Variants in PTPRD observed in about 807,000 individuals in gnomAD.
PTPRD encodes the protein receptor-type tyrosine-protein phosphatase delta.
Under a neutral mutation model 214.5 loss-of-function variants are expected in PTPRD, and 34 were observed. That is an observed-to-expected ratio of 0.16 (90% confidence interval 0.12 to 0.21). The LOEUF is 0.21. Among genes scored for constraint, PTPRD ranks in the 10% least tolerant of loss-of-function variants. The pLI is 1.00. For synonymous variants in PTPRD, 1,128 were observed against 845.7 expected (o/e 1.33, Z -5.79); for missense variants, 2,545 against 2,398.7 (o/e 1.06, Z -1.27).
At chr9:10,005,639 A>G (rs557002475) in intron 4 of PTPRD, among the ~76,000 whole-genome samples, 57 of 152,242 alleles carry the variant, frequency 3.7e-4, no homozygotes, top group Non-Finnish European at 5.9e-4. Context: ...ATGTGCCTTC[A>G]TTAATCAAAT....
intron 7 of PTPRD, among the ~76,000 whole-genome samples, chr9:9,613,131 C>T (rs374067768): frequency 0.056 from 2,283 of 40,752 alleles, 218 homozygotes; most frequent in African/African-American, 0.17. Context: ...AGTATACATA[C>T]ATACATATAT....
chr9:8,587,356 G>A (rs989757083), intron 14 of PTPRD, among the ~76,000 whole-genome samples: 1 of 152,068 alleles, frequency 6.6e-6, no homozygotes, highest in East Asian at 1.9e-4. Context: ...GTTCACCTCT[G>A]TAACAGTACA....
chr9:9,637,193 A>T (rs765753031), intron 7 of PTPRD, among the ~76,000 whole-genome samples: 3 of 152,048 alleles, frequency 2.0e-5, no homozygotes, highest in African/African-American at 4.8e-5. Flanking sequence ...AATTTATGTC[A>T]TTTTCACACA....
intron 12 of PTPRD, among the ~76,000 whole-genome samples, chr9:8,727,009 G>T (rs941493597): frequency 6.6e-6 from 1 of 151,608 alleles, no homozygotes; most frequent in African/African-American, 2.4e-5. Context: ...AGTAGATCAG[G>T]TACATAGAAA....
chr9:9,789,666 G>T (rs1456336767), intron 5 of PTPRD, among the ~76,000 whole-genome samples: 1 of 151,504 alleles, frequency 6.6e-6, no homozygotes, highest in Non-Finnish European at 1.5e-5. Flanking sequence ...GCGTGGTGGT[G>T]GGCGCCTGTA....
intron 2 of PTPRD, among the ~76,000 whole-genome samples, chr9:10,535,017 C>T (rs1428277383): frequency 2.0e-5 from 3 of 152,160 alleles, no homozygotes; most frequent in Non-Finnish European, 4.4e-5. Flanking sequence ...GATGTATGAG[C>T]TTTGCTGCTA....
At chr9:10,314,817 A>C (rs931298845) in intron 3 of PTPRD, among the ~76,000 whole-genome samples, 2 of 151,970 alleles carry the variant, frequency 1.3e-5, no homozygotes, top group Admixed American at 6.6e-5. Flanking sequence ...ATTAGAAGTT[A>C]TGTCTTCAAA....
chr9:10,500,363 G>A (rs557590234), intron 2 of PTPRD, among the ~76,000 whole-genome samples: 1 of 151,780 alleles, frequency 6.6e-6, no homozygotes, highest in Non-Finnish European at 1.5e-5. Flanking sequence ...AATGCATACA[G>A]ATTTGAAGTT....
At chr9:10,491,642 G>A (rs1326799645) in intron 2 of PTPRD, among the ~76,000 whole-genome samples, 3 of 151,424 alleles carry the variant, frequency 2.0e-5, no homozygotes, top group Non-Finnish European at 4.4e-5. Flanking sequence ...CCCATTAAAA[G>A]ACCTGGAGGC....
In PTPRD at chr9:9,832,930, C is replaced by G. The variant is rs148306613; in HGVS notation, c.-367-66079G>C. Among the ~76,000 whole-genome samples the G allele has an allele frequency of 2.7e-4, 41 of 151,124 alleles. No homozygotes were observed. In the East Asian group the frequency reaches 4.1e-3, roughly 15 times the overall value. On this transcript the variant is annotated intron_variant, in intron 5 of 45. Coordinates refer to ENST00000381196, the MANE Select transcript of PTPRD (RefSeq NM_002839.4). ...CCCATATGAGAGAGGAAAAAAAGTC[C>G]TTATTGTTTTAGAAATTTTAAGTAA...
At chr9:9,429,262 A>G (rs2082152032) in intron 8 of PTPRD, among the ~76,000 whole-genome samples, 1 of 152,246 alleles carries the variant, frequency 6.6e-6, no homozygotes, top group Admixed American at 6.5e-5. Flanking sequence ...ATCAGAGAAT[A>G]GTATAAACAC....
At chr9:10,575,656 T>C (rs2069031017) in intron 2 of PTPRD, among the ~76,000 whole-genome samples, 2 of 152,100 alleles carry the variant, frequency 1.3e-5, no homozygotes, top group Non-Finnish European at 2.9e-5. Flanking sequence ...AAGTGGTCAT[T>C]TATGGTGATT....
chr9:10,518,143 C>T (rs1228343849), intron 2 of PTPRD, among the ~76,000 whole-genome samples: 1 of 152,068 alleles, frequency 6.6e-6, no homozygotes, highest in East Asian at 1.9e-4. Flanking sequence ...TTATTGAATA[C>T]CTGTGTACTG....
At chr9:8,943,065 G>C (rs1373807343) in intron 11 of PTPRD, among the ~76,000 whole-genome samples, 1 of 151,808 alleles carries the variant, frequency 6.6e-6, no homozygotes, top group African/African-American at 2.4e-5. Flanking sequence ...AAATATGTAG[G>C]AATTAACCAA....
intron 11 of PTPRD, among the ~76,000 whole-genome samples, chr9:8,887,553 G>A (rs1377089682): frequency 6.6e-6 from 1 of 152,094 alleles, no homozygotes; most frequent in Non-Finnish European, 1.5e-5. Flanking sequence ...AAACATCAAT[G>A]TGTCATAAAA....
intron 5 of PTPRD, among the ~76,000 whole-genome samples, chr9:9,861,068 T>A (rs1419348033): frequency 6.6e-6 from 1 of 152,174 alleles, no homozygotes; most frequent in Non-Finnish European, 1.5e-5. Context: ...CATTATTTCT[T>A]TCAACAGTAA....
intron 37 of PTPRD, among the ~76,000 whole-genome samples, chr9:8,388,283 C>T (rs915394941): frequency 9.2e-5 from 14 of 152,182 alleles, no homozygotes; most frequent in African/African-American, 2.9e-4. Flanking sequence ...CCTCAACTTT[C>T]ACACAGTAAA....
intron 8 of PTPRD, among the ~76,000 whole-genome samples, chr9:9,453,066 A>G (rs752161330): frequency 1.3e-4 from 19 of 150,672 alleles, no homozygotes; most frequent in Non-Finnish European, 2.4e-4. Flanking sequence ...TAATATCCAT[A>G]AGATGTGACC....
chr9:8,353,964 G>GTT (rs35377231), intron 39 of PTPRD, among the ~76,000 whole-genome samples: 8 of 28,240 alleles, frequency 2.8e-4, no homozygotes, highest in Non-Finnish European at 4.2e-4. Context: ...ATATATATAT[G>GTT]TTTTTTTTTT....
Sources: allele counts gnomAD v4.1 joint callset (sites outside exome capture counted in the v4.1 genomes callset), GRCh38; gene constraint gnomAD v4.1.1; transcripts MANE v1.5; gene names NCBI Gene and HGNC (gene_info 2026-07-23, HGNC 2026-07-21).